The following FBXL5 variants were observed in gnomAD, a reference collection of about 807,000 sequenced individuals.
The protein encoded by FBXL5 is F-box and leucine rich repeat protein 5.
FBXL5 carries 26 observed loss-of-function variants against 78.3 expected under a neutral mutation model. That is an observed-to-expected ratio of 0.33 (90% confidence interval 0.24 to 0.46). FBXL5 has a LOEUF of 0.46. Among genes scored for constraint, FBXL5 ranks in the 20% least tolerant of loss-of-function variants. FBXL5 has a pLI of 1.00. For missense variants in FBXL5, 710 were observed against 829.2 expected (o/e 0.86, Z 1.77); for synonymous variants, 295 against 282.5 (o/e 1.04, Z -0.45).
Position 15,625,680 on chromosome 4 carries a change from G to A in FBXL5, c.1422C>T (p.Phe474=). 1.2e-6 allele frequency: 2 copies of A among 1,614,180 alleles called. No individual in the cohort carries two copies. The highest frequency in any genetic ancestry group is 2.2e-5 in the East Asian group (1 of 44,890). ...PWTKPVSSEN[F]TSPYVWMLDA... is the part of the protein sequence containing the mutation. ...CTAACATCCACACATAAGGAGAAGT[G>A]AAATTCTCAGAAGAAACAGGCTTAG... Residue 474 remains phenylalanine, a synonymous_variant, in exon 9 of 11, where the codon TTC becomes TTT. Coordinates refer to ENST00000341285, the MANE Select transcript of FBXL5 (RefSeq NM_012161.4).
intron 6 of FBXL5, among the ~76,000 whole-genome samples, chr4:15,630,178 G>A (rs1283887206): frequency 6.6e-5 from 10 of 152,082 alleles, no homozygotes; most frequent in Admixed American, 6.6e-4. Context: ...ATTAGTTTTT[G>A]TAATCCCTTA....
intron 5 of FBXL5, 26 bp from the exon 6 acceptor site, chr4:15,630,817 G>T: frequency 6.3e-7 from 1 of 1,599,998 alleles, no homozygotes; most frequent in South Asian, 1.1e-5. Context: ...ACAAGTAAAA[G>T]GTTCAAAATA....
upstream of FBXL5, among the ~76,000 whole-genome samples, chr4:15,664,550 C>CTTTTTTTTT (rs35319145): frequency 7.9e-5 from 6 of 75,522 alleles, no homozygotes; most frequent in African/African-American, 1.1e-4. Context: ...GGCCCTCATC[C>CTTTTTTTTT]TTTTTTTTTT....
intron 1 of FBXL5, among the ~76,000 whole-genome samples, chr4:15,676,826 G>C (rs1718012045): frequency 6.6e-6 from 1 of 152,116 alleles, no homozygotes; most frequent in South Asian, 2.1e-4. Context: ...TTTCAGTTCT[G>C]TTAAGTACAT....
intron 9 of FBXL5, among the ~76,000 whole-genome samples, chr4:15,620,534 C>T (rs942404189): frequency 1.3e-5 from 2 of 152,216 alleles, no homozygotes; most frequent in Non-Finnish European, 2.9e-5. Flanking sequence ...AAACCTACAA[C>T]AAAACTACAA....
chr4:15,637,667 T>G (rs1166426501), intron 4 of FBXL5, among the ~76,000 whole-genome samples: 3 of 152,218 alleles, frequency 2.0e-5, no homozygotes, highest in Non-Finnish European at 4.4e-5. Flanking sequence ...TAGCTTGGTA[T>G]CTAAAGCACA....
At chr4:15,646,597 C>A (rs1017163045) in intron 1 of FBXL5, among the ~76,000 whole-genome samples, 1 of 151,888 alleles carries the variant, frequency 6.6e-6, no homozygotes, top group Non-Finnish European at 1.5e-5. Flanking sequence ...GCACAACGTG[C>A]AGGTTTGTTA....
intron 1 of FBXL5, among the ~76,000 whole-genome samples, chr4:15,649,422 T>A (rs1715689345): frequency 1.3e-5 from 2 of 151,660 alleles, no homozygotes; most frequent in Admixed American, 1.3e-4. Flanking sequence ...CTACTAAAAC[T>A]ACAAAAATTA....
upstream of FBXL5, among the ~76,000 whole-genome samples, chr4:15,658,438 T>G (rs1717127197): frequency 1.3e-5 from 2 of 152,130 alleles, no homozygotes; most frequent in South Asian, 2.1e-4. Context: ...CTTTAAGAGG[T>G]GATTGGGTCA....
chr4:15,616,450 C>T (rs1711893527), intron 9 of FBXL5, among the ~76,000 whole-genome samples: 1 of 152,246 alleles, frequency 6.6e-6, no homozygotes, highest in South Asian at 2.1e-4. Flanking sequence ...CTTGCCCAGA[C>T]TACAAGCCTC....
chr4:15,641,712 T>C, intron 2 of FBXL5: 3 of 424,778 alleles, frequency 7.1e-6, no homozygotes, highest in South Asian at 1.7e-5. Context: ...CCCCATGTTG[T>C]TCAAGGGTCA....
chr4:15,620,242 T>G (rs1712344192), intron 9 of FBXL5, among the ~76,000 whole-genome samples: 1 of 152,124 alleles, frequency 6.6e-6, no homozygotes, highest in Non-Finnish European at 1.5e-5. Context: ...GTAAAGGACT[T>G]GGATACCAAA....
intron 1 of FBXL5, among the ~76,000 whole-genome samples, chr4:15,649,181 C>T (rs1445560401): frequency 1.3e-5 from 2 of 151,590 alleles, no homozygotes; most frequent in African/African-American, 2.4e-5. Flanking sequence ...AAAAGAGCAA[C>T]AGAGAGAAAA....
chr4:15,644,755 T>C (rs1459057337), intron 1 of FBXL5, 47 bp from the exon 2 acceptor site: 1 of 1,355,416 alleles, frequency 7.4e-7, no homozygotes, highest in South Asian at 1.3e-5. Flanking sequence ...CGTGCAAATA[T>C]GCACAAATAA....
chr4:15,622,827 C>T (rs1164676588), intron 9 of FBXL5, among the ~76,000 whole-genome samples: 1 of 152,196 alleles, frequency 6.6e-6, no homozygotes, highest in Non-Finnish European at 1.5e-5. Context: ...ACAGATCCTA[C>T]GTGTTCCCTT....
In FBXL5 at chr4:15,625,397, T is replaced by C. The variant is rs764464877; in HGVS notation, c.1705A>G (p.Met569Val). The C allele has an allele frequency of 3.9e-5, 63 of 1,614,158 alleles. 1 individual carries two copies. In the East Asian group the frequency reaches 4.2e-4, roughly 11 times the overall value. The change falls in exon 9 of 11, where the codon ATG becomes GTG. Residue 569 changes from methionine to valine, a missense_variant. This residue lies in a region of FBXL5 where 517 missense variants were observed against 542.9 expected (regional missense o/e 0.95). Coordinates refer to ENST00000341285, the MANE Select transcript of FBXL5 (RefSeq NM_012161.4). The stretch of plus-strand genomic sequence containing the variant: ...CTAGTCCTTGCTGCTTTTCTACACA[T>C]TGCAGAAGATTCTGGGAGTGATGAC... ...TMSSLPESSA[M>V]CRKAARTRLP... is the part of the protein sequence containing the mutation.
chr4:15,643,907 T>G (rs1275794828), intron 2 of FBXL5, among the ~76,000 whole-genome samples: 2 of 152,206 alleles, frequency 1.3e-5, no homozygotes, highest in African/African-American at 4.8e-5. Context: ...TGAGTAGCAT[T>G]CATTATAAAA....
intron 9 of FBXL5, among the ~76,000 whole-genome samples, chr4:15,620,019 T>C (rs554561603): frequency 1.8e-4 from 28 of 152,202 alleles, no homozygotes; most frequent in African/African-American, 5.8e-4. Context: ...CAGCGAGCTA[T>C]GATCATGTCA....
At chr4:15,649,916 C>T (rs1161332450) in intron 1 of FBXL5, among the ~76,000 whole-genome samples, 2 of 152,136 alleles carry the variant, frequency 1.3e-5, no homozygotes, top group Non-Finnish European at 2.9e-5. Flanking sequence ...GAGACCAAGT[C>T]CCTAAAACTC....
Sources: allele counts gnomAD v4.1 joint callset (sites outside exome capture counted in the v4.1 genomes callset), GRCh38; gene constraint gnomAD v4.1.1; regional missense constraint gnomAD v4.1.1; transcripts MANE v1.5; gene names NCBI Gene and HGNC (gene_info 2026-07-23, HGNC 2026-07-21).